Variants in CDK14 observed in about 807,000 individuals in gnomAD.
CDK14 encodes the protein cyclin dependent kinase 14.
In CDK14, 34 loss-of-function variants were observed where a neutral mutation model predicts 60.7. The observed-to-expected ratio is 0.56, with a 90% CI of 0.43 to 0.75. The LOEUF is 0.75. Among genes scored for constraint, CDK14 ranks in the 30% least tolerant of loss-of-function variants. CDK14 has a pLI of 0.00. For synonymous variants in CDK14, 197 were observed against 203.7 expected (o/e 0.97, Z 0.28); for missense variants, 482 against 564.1 (o/e 0.85, Z 1.47).
intron 2 of CDK14, among the ~76,000 whole-genome samples, chr7:90,604,929 A>T (rs1045146311): frequency 1.3e-5 from 2 of 152,190 alleles, no homozygotes; most frequent in African/African-American, 4.8e-5. Flanking sequence ...GAAATGTTTC[A>T]TTGTAACCAT....
At chr7:91,187,255 G>A (rs989211359) in intron 14 of CDK14, among the ~76,000 whole-genome samples, 2 of 152,120 alleles carry the variant, frequency 1.3e-5, no homozygotes, top group Non-Finnish European at 2.9e-5. Context: ...CAAGACCCAT[G>A]GGAATCAGTA....
intron 8 of CDK14, among the ~76,000 whole-genome samples, chr7:90,939,870 A>G (rs1231979218): frequency 1.3e-5 from 2 of 152,162 alleles, no homozygotes; most frequent in Admixed American, 6.5e-5. Context: ...TTTAAATAGT[A>G]GTTTATTTCT....
At chr7:91,205,038 T>A (rs1303926660) in intron 14 of CDK14, among the ~76,000 whole-genome samples, 4 of 152,200 alleles carry the variant, frequency 2.6e-5, no homozygotes, top group African/African-American at 9.6e-5. Flanking sequence ...TAATTTTTTT[T>A]AAACAAACAA....
rs1044637165 is a variant in CDK14 at position 90,899,464 on chromosome 7, A to G, written c.702+111A>G. 2.3e-4 allele frequency: 161 copies of G among 689,684 alleles called. 1 individual carries two copies. In the African/African-American group the frequency reaches 2.9e-3, roughly 13 times the overall value. 42.7% of individuals were successfully genotyped at this position (689,684 alleles called of 1,614,324 possible). ...TTTAAATTTTTTAAATTTTTTGTGT[A>G]AAGAGAAGGGATATTGAGGTGAACC... On this transcript the variant is annotated intron_variant, in intron 7 of 14. Transcript: ENST00000380050.
At chr7:91,147,162 T>TCTCTCTCTCACA (rs1438870514) in intron 14 of CDK14, among the ~76,000 whole-genome samples, 46 of 124,742 alleles carry the variant, frequency 3.7e-4, no homozygotes, top group African/African-American at 1.5e-3. Context: ...TCTCTCTCTC[T>TCTCTCTCTCACA]CACACACACA....
intron 2 of CDK14, among the ~76,000 whole-genome samples, chr7:90,634,296 C>T (rs1037671724): frequency 3.5e-5 from 4 of 113,764 alleles, no homozygotes; most frequent in African/African-American, 1.4e-4. Context: ...TCCCCCCACC[C>T]CACAGCAGTC....
intron 7 of CDK14, among the ~76,000 whole-genome samples, chr7:90,902,364 G>A (rs544106975): frequency 3.3e-5 from 5 of 152,082 alleles, no homozygotes; most frequent in Admixed American, 1.3e-4. Flanking sequence ...CTATAGTAAC[G>A]AAAACAACAT....
chr7:90,678,005 G>C (rs1316105149), intron 2 of CDK14, among the ~76,000 whole-genome samples: 1 of 152,192 alleles, frequency 6.6e-6, no homozygotes, highest in Admixed American at 6.5e-5. Context: ...TTGGGCCAGA[G>C]AGACTGCGAC....
At chr7:91,092,041 T>C (rs1362929951) in intron 12 of CDK14, among the ~76,000 whole-genome samples, 1 of 152,168 alleles carries the variant, frequency 6.6e-6, no homozygotes, top group African/African-American at 2.4e-5. Context: ...TTAATCCTAT[T>C]TATTTGTCTT....
chr7:90,998,571 A>G (rs971528110), intron 10 of CDK14, among the ~76,000 whole-genome samples: 2 of 152,238 alleles, frequency 1.3e-5, no homozygotes, highest in Non-Finnish European at 2.9e-5. Flanking sequence ...TTGCTGTAAT[A>G]GAATACCACA....
intron 4 of CDK14, among the ~76,000 whole-genome samples, chr7:90,786,927 A>C (rs62471260): frequency 2.6e-4 from 1 of 3,836 alleles, no homozygotes; most frequent in African/African-American, 5.6e-4. Flanking sequence ...CCCTGTCTCC[A>C]AAAAAAAAAA....
chr7:90,788,264 T>C (rs1805681603), intron 4 of CDK14, among the ~76,000 whole-genome samples: 1 of 152,170 alleles, frequency 6.6e-6, no homozygotes, highest in Non-Finnish European at 1.5e-5. Context: ...TGAGCTCAAC[T>C]GGGCTGAGAA....
chr7:90,759,007 G>C (rs1804202043), intron 4 of CDK14, among the ~76,000 whole-genome samples: 1 of 147,488 alleles, frequency 6.8e-6, no homozygotes, highest in Non-Finnish European at 1.5e-5. Flanking sequence ...AGTGAGTCGA[G>C]ATTGCACTAT....
intron 14 of CDK14, among the ~76,000 whole-genome samples, chr7:91,147,740 TC>T (rs927811659): frequency 2.6e-5 from 4 of 151,428 alleles, no homozygotes; most frequent in African/African-American, 4.9e-5. Flanking sequence ...CTTTCCCCCC[TC>T]CCCCCCATTA....
At chr7:90,672,512 T>G (rs1343093354) in intron 2 of CDK14, among the ~76,000 whole-genome samples, 9 of 127,196 alleles carry the variant, frequency 7.1e-5, no homozygotes, top group Non-Finnish European at 1.5e-4. Flanking sequence ...GTTTTTTTTT[T>G]TTTTTTTTTT....
intron 2 of CDK14, among the ~76,000 whole-genome samples, chr7:90,657,361 T>A (rs577865207): frequency 3.3e-5 from 5 of 152,362 alleles, no homozygotes; most frequent in African/African-American, 1.2e-4. Flanking sequence ...ATTCTCCATC[T>A]TTTCTTTGCC....
intron 8 of CDK14, among the ~76,000 whole-genome samples, chr7:90,920,472 A>G (rs947552795): frequency 1.3e-5 from 2 of 152,206 alleles, no homozygotes; most frequent in African/African-American, 4.8e-5. Context: ...TCTTCAAGCT[A>G]GGAATGTATA....
intron 6 of CDK14, among the ~76,000 whole-genome samples, chr7:90,894,453 A>G (rs1476528382): frequency 6.6e-6 from 1 of 152,176 alleles, no homozygotes; most frequent in Non-Finnish European, 1.5e-5. Flanking sequence ...AAAATAACCT[A>G]AAATTTTAAA....
chr7:90,686,012 A>G (rs1244524306), intron 2 of CDK14, among the ~76,000 whole-genome samples: 2 of 152,164 alleles, frequency 1.3e-5, no homozygotes, highest in East Asian at 3.9e-4. Context: ...AAGCTGTTTT[A>G]TTCTACATAT....
Sources: gnomAD v4.1 joint callset for allele counts (sites outside exome capture counted in the v4.1 genomes callset) on GRCh38, gnomAD v4.1.1 for gene constraint, MANE v1.5 for transcripts, NCBI Gene and HGNC (gene_info 2026-07-23, HGNC 2026-07-21) for gene names.